BCAS3: variants seen among roughly 807,000 people sequenced by gnomAD.
BCAS3 encodes BCAS3 microtubule associated cell migration factor.
In BCAS3, 53 loss-of-function variants were observed where a neutral mutation model predicts 116.1. That is an observed-to-expected ratio of 0.46 (90% CI 0.37 to 0.57). The LOEUF (loss-of-function observed/expected upper bound fraction) is 0.57. BCAS3 is among the 20% of genes least tolerant of loss of function. BCAS3 has a pLI of 0.00. For missense variants in BCAS3, 917 were observed against 1,165.4 expected (o/e 0.79, Z 3.10); for synonymous variants, 391 against 408.2 (o/e 0.96, Z 0.51).
intron 6 of BCAS3, among the ~76,000 whole-genome samples, chr17:60,758,940 T>G (rs1018090106): frequency 2.6e-5 from 4 of 152,174 alleles, no homozygotes; most frequent in African/African-American, 7.2e-5. Flanking sequence ...AAATTCATTT[T>G]GATGTTGATA....
chr17:60,948,162 T>A (rs2145251637), intron 14 of BCAS3, among the ~76,000 whole-genome samples: 1 of 152,222 alleles, frequency 6.6e-6, no homozygotes, highest in South Asian at 2.1e-4. Flanking sequence ...TAGAGTGCAG[T>A]GGCGCTGCGA....
At chr17:61,210,215 C>A (rs1257970659) in intron 22 of BCAS3, among the ~76,000 whole-genome samples, 1 of 152,132 alleles carries the variant, frequency 6.6e-6, no homozygotes, top group Non-Finnish European at 1.5e-5. Context: ...CACCTATTGA[C>A]CTGATATGTG....
Position 61,300,302 on chromosome 17 carries a change from A to G in BCAS3, c.2426-68025A>G, listed in dbSNP as rs1362310005. Among the ~76,000 whole-genome samples, 1 of 152,072 alleles carries G rather than the reference A, an allele frequency of 6.6e-6. No homozygotes were observed. Among genetic ancestry groups the G allele is most frequent in the African/African-American group, 2.4e-5 (1 of 41,388 alleles). The stretch of plus-strand genomic sequence containing the variant: ...GAGCTTTGACCTTGATGAAGCACAG[A>G]GAAGTGTCTGGTCCCCATGCCCGCC... On this transcript the variant is annotated intron_variant, in intron 22 of 23. Transcript: ENST00000407086. This position sits in a 1 kb window ranked among gnomAD's most constrained non-coding sequence, Gnocchi z 5.1.
chr17:61,045,562 C>T (rs922490047), intron 19 of BCAS3, among the ~76,000 whole-genome samples: 2 of 149,844 alleles, frequency 1.3e-5, no homozygotes, highest in Non-Finnish European at 3.0e-5. Context: ...TGCCTGTAAT[C>T]CCAGCACTTT....
rs1384570030 is a variant in BCAS3 at position 61,233,230 on chromosome 17, G to A, written c.2426-135097G>A. Among the ~76,000 whole-genome samples, 1 of 152,184 alleles carries A rather than the reference G, an allele frequency of 6.6e-6. No individual in the cohort carries two copies. The highest frequency in any genetic ancestry group is 2.4e-5 in the African/African-American group (1 of 41,454). ...GGTGATAAAGATTAGAGCTGATTGG[G>A]AAGGTTCTGAATGCCCAAGTTTCAT... is the stretch of plus-strand genomic sequence containing the variant. On this transcript the variant is annotated intron_variant, in intron 22 of 23. Transcript: ENST00000407086. The surrounding 1 kb of genome is among the most constrained non-coding windows in gnomAD (Gnocchi z 4.3).
intron 22 of BCAS3, among the ~76,000 whole-genome samples, chr17:61,202,164 G>T (rs2080876471): frequency 2.2e-5 from 3 of 133,366 alleles, no homozygotes; most frequent in Non-Finnish European, 3.1e-5. Flanking sequence ...AAGAGATGGA[G>T]TCTCGCTCTG....
At position 60,995,572 on chromosome 17, in the gene BCAS3, A is replaced by G. The variant is rs1036584071; in HGVS notation, c.1486+5337A>G. On this transcript the variant is annotated intron_variant, in intron 15 of 23. Coordinates refer to ENST00000407086, the MANE Select transcript of BCAS3 (RefSeq NM_017679.5). This position sits in a 1 kb window ranked among gnomAD's most constrained non-coding sequence, Gnocchi z 4.7. Reference sequence around the variant, plus strand: ...CTCAGCCTCCCAAGGTGCTGGGATTACAAGCGTGAACCACCGCGCCCGACC... The same window carrying G: ...CTCAGCCTCCCAAGGTGCTGGGATTGCAAGCGTGAACCACCGCGCCCGACC... Among the ~76,000 whole-genome samples the G allele has an allele frequency of 6.6e-6, 1 of 152,232 alleles. No homozygotes were observed. The highest frequency in any genetic ancestry group is 1.5e-5 in the Non-Finnish European group (1 of 68,042).
At chr17:61,246,405 G>A (rs996862275) in intron 22 of BCAS3, among the ~76,000 whole-genome samples, 2 of 142,074 alleles carry the variant, frequency 1.4e-5, no homozygotes, top group African/African-American at 5.2e-5. Flanking sequence ...CACAGAAGCA[G>A]AGGTTGCTAA....
chr17:60,976,441 AT>A (rs111599193), intron 14 of BCAS3, among the ~76,000 whole-genome samples: 6,340 of 128,746 alleles, frequency 0.049, 434 homozygotes, highest in African/African-American at 0.17. Flanking sequence ...ATATATATAT[AT>A]TTTTTTTTTA....
chr17:60,867,241 G>A (rs1399759567), intron 7 of BCAS3, among the ~76,000 whole-genome samples: 1 of 151,870 alleles, frequency 6.6e-6, no homozygotes, highest in East Asian at 1.9e-4. Flanking sequence ...AAGTAGTTGG[G>A]ATTACAGGTG....
In BCAS3 at chr17:61,189,059, T is replaced by C. The variant is rs988096011; in HGVS notation, c.2425+104495T>C. On this transcript the variant is annotated intron_variant, in intron 22 of 23. Transcript: ENST00000407086. The surrounding 1 kb of genome is among the most constrained non-coding windows in gnomAD (Gnocchi z 4.5). ...TTGAGGCTGCAGTGAGCTGCTATTA[T>C]GCCCCTACACTCCAGCCTGGGTGAC... Among the ~76,000 whole-genome samples the C allele has an allele frequency of 6.6e-6, 1 of 152,196 alleles. No individual in the cohort carries two copies. Among genetic ancestry groups the C allele is most frequent in the East Asian group, 1.9e-4 (1 of 5,176 alleles).
At chr17:61,245,721 C>CT (rs1401421681) in intron 22 of BCAS3, among the ~76,000 whole-genome samples, 1 of 152,084 alleles carries the variant, frequency 6.6e-6, no homozygotes, top group Admixed American at 6.5e-5. Flanking sequence ...ACAAGATGAG[C>CT]TATTGGGCTC....
rs1555698457 is a variant in BCAS3 at position 61,070,400 on chromosome 17, T to TATATATATATATA, written c.2030-4520_2030-4519insATATATATATATA. 4.7e-3 allele frequency: 844 copies of TATATATATATATA among 180,882 alleles called. 41 individuals are homozygous for TATATATATATATA. Among genetic ancestry groups the TATATATATATATA allele is most frequent in the Non-Finnish European group, 6.9e-3 (647 of 94,116 alleles). 11.2% of individuals were successfully genotyped at this position (180,882 alleles called of 1,614,324 possible). A position where few individuals can be genotyped will look rare whatever the true frequency, so the allele number is the denominator to read the frequency against. ...ATATATATATATATATATATATATATCTTTTCACCATTTAAAAAAAATAGA... is the reference window on the plus strand; with the variant it reads ...ATATATATATATATATATATATATATATATATATATATACTTTTCACCATTTAAAAAAAATAGA... On this transcript the variant is annotated intron_variant, in intron 19 of 23. Transcript: ENST00000407086.
At chr17:61,192,459 A>G (rs1181251518) in intron 22 of BCAS3, among the ~76,000 whole-genome samples, 1 of 152,116 alleles carries the variant, frequency 6.6e-6, no homozygotes, top group Non-Finnish European at 1.5e-5. Context: ...GTAATTGAAG[A>G]CCATTGATTT....
At position 61,186,778 on chromosome 17, in the gene BCAS3, T is replaced by G. The variant is rs1040622927; in HGVS notation, c.2425+102214T>G. Among the ~76,000 whole-genome samples the G allele has an allele frequency of 3.3e-5, 5 of 152,018 alleles. No homozygotes were observed. The highest frequency in any genetic ancestry group is 4.4e-5 in the Non-Finnish European group (3 of 68,006). On this transcript the variant is annotated intron_variant, in intron 22 of 23. Coordinates refer to ENST00000407086, the MANE Select transcript of BCAS3 (RefSeq NM_017679.5). This position sits in a 1 kb window ranked among gnomAD's most constrained non-coding sequence, Gnocchi z 4.9. ...CAGGTTGGAGTGCAGTGGCACGATC[T>G]CAGCTTACTGCAAGCTCCACCTCCT...
intron 15 of BCAS3, among the ~76,000 whole-genome samples, chr17:60,998,604 A>G (rs998458474): frequency 6.6e-6 from 1 of 152,082 alleles, no homozygotes; most frequent in Non-Finnish European, 1.5e-5. Flanking sequence ...AAGCATTTTT[A>G]TATGTGTATT....
intron 14 of BCAS3, among the ~76,000 whole-genome samples, chr17:60,975,063 G>A (rs2062233526): frequency 1.3e-5 from 2 of 149,888 alleles, no homozygotes; most frequent in South Asian, 2.1e-4. Context: ...CTGCAGTGGC[G>A]CAATCTCGGC....
At chr17:60,784,153 C>T (rs1198738176) in intron 6 of BCAS3, among the ~76,000 whole-genome samples, 16 of 151,258 alleles carry the variant, frequency 1.1e-4, no homozygotes, top group Admixed American at 1.1e-3. Context: ...AGATGTTAGG[C>T]ATCTTATCTA....
intron 22 of BCAS3, among the ~76,000 whole-genome samples, chr17:61,173,512 G>A (rs948828941): frequency 4.0e-5 from 6 of 151,698 alleles, no homozygotes; most frequent in African/African-American, 9.7e-5. Context: ...TGTGAGACAC[G>A]CTAAAACAGT....
Sources: allele counts gnomAD v4.1 joint callset (sites outside exome capture counted in the v4.1 genomes callset), GRCh38; gene constraint gnomAD v4.1.1; non-coding constraint Gnocchi (gnomAD v3.1); transcripts MANE v1.5; gene names NCBI Gene and HGNC (gene_info 2026-07-23, HGNC 2026-07-21).